The following GRIK4 variants were observed in gnomAD, a reference collection of about 807,000 sequenced individuals.
The protein encoded by GRIK4 is glutamate ionotropic receptor kainate type subunit 4, also known as glutamate receptor ionotropic, kainate 4.
In GRIK4, 40 loss-of-function variants were observed where a neutral mutation model predicts 104.9. That is an observed-to-expected ratio of 0.38 (90% CI 0.30 to 0.50). GRIK4 has a LOEUF of 0.50. Ranked by LOEUF, GRIK4 falls within the 20% of genes least tolerant of loss-of-function variation. The pLI, the probability that GRIK4 is intolerant of heterozygous loss-of-function variation, is 0.93. For synonymous variants in GRIK4, 485 were observed against 524.9 expected, an observed-to-expected ratio of 0.92 and a Z score of 1.04; for missense variants, 1,047 against 1,308.1, an observed-to-expected ratio of 0.80 and a Z score of 3.08.
chr11:120,665,042 A>G lies in GRIK4; in HGVS notation c.82+4642A>G, dbSNP rs148693116. The stretch of plus-strand genomic sequence containing the variant: ...TTTTTACTTAGTTGGTTTCCCCCCA[A>G]TGAGCTCCAATTCTGTACGGAGAAT... On this transcript the variant is annotated intron_variant, in intron 3 of 20. Transcript: ENST00000527524. Among the ~76,000 whole-genome samples, 857 of 152,236 alleles carry G rather than the reference A, an allele frequency of 5.6e-3. 7 individuals carry two copies. Among genetic ancestry groups the G allele is most frequent in the African/African-American group, 0.017 (713 of 41,532 alleles).
chr11:120,823,004 G>A (rs1363627242), intron 6 of GRIK4, among the ~76,000 whole-genome samples: 1 of 152,156 alleles, frequency 6.6e-6, no homozygotes, highest in Non-Finnish European at 1.5e-5. Context: ...TTGGACCATC[G>A]AATGGTGTAA....
chr11:120,906,785 T>C (rs1483012820), intron 13 of GRIK4, among the ~76,000 whole-genome samples: 2 of 152,178 alleles, frequency 1.3e-5, no homozygotes, highest in African/African-American at 4.8e-5. Context: ...TGACGGAACA[T>C]GGACGGCATC....
chr11:120,889,416 G>T, intron 11 of GRIK4, among the ~76,000 whole-genome samples: 1 of 151,620 alleles, frequency 6.6e-6, no homozygotes, highest in East Asian at 1.9e-4. Flanking sequence ...TCACTTCTGT[G>T]CACTCAAGAA....
chr11:120,706,084 C>T (rs1421434312), intron 3 of GRIK4, among the ~76,000 whole-genome samples: 1 of 152,170 alleles, frequency 6.6e-6, no homozygotes, highest in Non-Finnish European at 1.5e-5. Context: ...GGACCCTGGA[C>T]AGCCACCATG....
chr11:120,555,550 G>A lies in GRIK4; in HGVS notation c.-159+43663G>A, dbSNP rs1013834934. 1.3e-5 allele frequency among the ~76,000 whole-genome samples: 2 copies of A among 152,160 alleles called. No individual in the cohort carries two copies. The highest frequency in any genetic ancestry group is 6.5e-5 in the Admixed American group (1 of 15,270). ...GAGGCTGCCACCAGATGCACACAGC[G>A]GTCGTCTTCTCCCTCACGGTCCGCC... On this transcript the variant is annotated intron_variant, in intron 1 of 20. Transcript: ENST00000527524. The surrounding 1 kb of genome is among the most constrained non-coding windows in gnomAD (Gnocchi z 5.3).
chr11:120,948,228 G>A lies in GRIK4; in HGVS notation c.1591-4627G>A, dbSNP rs558059113. On this transcript the variant is annotated intron_variant, in intron 14 of 20. Coordinates refer to ENST00000527524, the MANE Select transcript of GRIK4 (RefSeq NM_014619.5). ...TGTGATTGACCATTGGGCACTGCTG[G>A]GAGTTGACTATATCACAAGCAACCT... 9.2e-5 allele frequency among the ~76,000 whole-genome samples: 14 copies of A among 152,230 alleles called. No individual in the cohort carries two copies. In the South Asian group the frequency reaches 2.9e-3, roughly 32 times the overall value.
chr11:120,644,327 T>C (rs767962531), intron 1 of GRIK4, among the ~76,000 whole-genome samples: 3 of 152,352 alleles, frequency 2.0e-5, no homozygotes, highest in South Asian at 2.1e-4. Flanking sequence ...GCAACGGGAA[T>C]GTGGTACCGT....
chr11:120,944,529 G>A (rs4936566), intron 14 of GRIK4, among the ~76,000 whole-genome samples: 35,704 of 152,100 alleles, frequency 0.23, 4,414 homozygotes, highest in East Asian at 0.35. Context: ...GCCATCCTTA[G>A]GTTTTCTTAC....
intron 1 of GRIK4, among the ~76,000 whole-genome samples, chr11:120,594,249 C>T (rs902587751): frequency 8.5e-5 from 13 of 152,116 alleles, no homozygotes; most frequent in Admixed American, 5.2e-4. Flanking sequence ...AGGCCAAGGC[C>T]GGCAGATTGC....
chr11:120,973,846 T>G (rs2134771662), intron 19 of GRIK4, among the ~76,000 whole-genome samples: 1 of 152,304 alleles, frequency 6.6e-6, no homozygotes, highest in Admixed American at 6.5e-5. Context: ...CTATGGTATA[T>G]AATTCGTTGT....
Position 120,513,218 on chromosome 11 carries a change from G to A in GRIK4, c.-159+1331G>A, listed in dbSNP as rs1238991045. ...GGGCTGGTCAGGAGGACTGAGCCCTGCCAGGAACAAAGAACTACCTTCACT... is the reference window on the plus strand; with the variant it reads ...GGGCTGGTCAGGAGGACTGAGCCCTACCAGGAACAAAGAACTACCTTCACT... On this transcript the variant is annotated intron_variant, in intron 1 of 20. Coordinates refer to ENST00000527524, the MANE Select transcript of GRIK4 (RefSeq NM_014619.5). The surrounding 1 kb of genome is among the most constrained non-coding windows in gnomAD (Gnocchi z 4.5). Among the ~76,000 whole-genome samples, 2 of 152,176 alleles carry A rather than the reference G, an allele frequency of 1.3e-5. No homozygotes were observed. The highest frequency in any genetic ancestry group is 2.9e-5 in the Non-Finnish European group (2 of 68,032).
At chr11:120,788,846 A>C (rs1591915751) in intron 3 of GRIK4, among the ~76,000 whole-genome samples, 1 of 145,960 alleles carries the variant, frequency 6.9e-6, no homozygotes, top group Non-Finnish European at 1.5e-5. Flanking sequence ...GGCTCTCTCC[A>C]TTCACTTCTC....
At chr11:120,576,651 C>T (rs1448939938) in intron 1 of GRIK4, 1 of 152,322 alleles carries the variant, frequency 6.6e-6, no homozygotes, top group South Asian at 2.1e-4. Context: ...ATGAAGAGCT[C>T]TGCTTACAGC....
intron 3 of GRIK4, among the ~76,000 whole-genome samples, chr11:120,778,578 TAATA>T (rs1184986241): frequency 6.6e-6 from 1 of 152,324 alleles, no homozygotes; most frequent in Non-Finnish European, 1.5e-5. Flanking sequence ...CCAGCTCTAA[TAATA>T]AATAAAGCAA....
At chr11:120,576,472 C>A (rs867240787) in intron 1 of GRIK4, 50 of 152,256 alleles carry the variant, frequency 3.3e-4, no homozygotes, top group Middle Eastern at 3.4e-3. Context: ...ACTGGTGGGA[C>A]CTTTTGCTGG....
intron 1 of GRIK4, among the ~76,000 whole-genome samples, chr11:120,551,929 G>A (rs1948144552): frequency 6.6e-6 from 1 of 152,236 alleles, no homozygotes; most frequent in South Asian, 2.1e-4. Context: ...GGTGGTGCCT[G>A]GGGAGGGCAT....
intron 1 of GRIK4, among the ~76,000 whole-genome samples, chr11:120,589,496 G>T (rs1005516273): frequency 3.3e-5 from 5 of 152,238 alleles, no homozygotes; most frequent in Admixed American, 6.5e-5. Context: ...GAACCTCCAC[G>T]CTGCTGGCCA....
intron 1 of GRIK4, among the ~76,000 whole-genome samples, chr11:120,562,149 T>C (rs1948245930): frequency 6.6e-6 from 1 of 152,208 alleles, no homozygotes; most frequent in Non-Finnish European, 1.5e-5. Context: ...TTGATTCACC[T>C]AAGCCCAACA....
intron 1 of GRIK4, among the ~76,000 whole-genome samples, chr11:120,646,044 C>G (rs1469041522): frequency 6.6e-6 from 1 of 152,152 alleles, no homozygotes; most frequent in Non-Finnish European, 1.5e-5. Flanking sequence ...TTTGGGGGTC[C>G]AACTGATTGT....
Sources: allele counts gnomAD v4.1 joint callset (sites outside exome capture counted in the v4.1 genomes callset), GRCh38; gene constraint gnomAD v4.1.1; non-coding constraint Gnocchi (gnomAD v3.1); transcripts MANE v1.5; gene names NCBI Gene and HGNC (gene_info 2026-07-23, HGNC 2026-07-21).